Variants in WDR76 observed in about 807,000 individuals in gnomAD.
WDR76 encodes the protein WD repeat-containing protein 76.
Under a neutral mutation model 70.2 loss-of-function variants are expected in WDR76, and 52 were observed. That is an observed-to-expected ratio of 0.74 (90% confidence interval 0.59 to 0.93). WDR76 has a LOEUF of 0.93. WDR76 is among the 40% of genes least tolerant of loss of function. WDR76 has a pLI of 0.00. For synonymous variants in WDR76, 292 were observed against 271.1 expected (o/e 1.08, Z -0.76); for missense variants, 756 against 760.2 (o/e 0.99, Z 0.07).
intron 5 of WDR76, among the ~76,000 whole-genome samples, chr15:43,842,087 C>T (rs1369139330): frequency 1.3e-5 from 2 of 152,160 alleles, no homozygotes; most frequent in South Asian, 2.1e-4. Flanking sequence ...AGGCTGGTCT[C>T]GAACTCCTGA....
chr15:43,828,479 A>G, intron 2 of WDR76, 113 bp downstream of exon 2: 3 of 936,224 alleles, frequency 3.2e-6, no homozygotes, highest in Middle Eastern at 3.1e-4. Flanking sequence ...TTCATCATCT[A>G]ATGTAAGTAT....
intron 1 of WDR76, among the ~76,000 whole-genome samples, chr15:43,827,329 G>T (rs1291246758): frequency 6.6e-6 from 1 of 152,124 alleles, no homozygotes; most frequent in East Asian, 1.9e-4. Context: ...CCACAGTTAT[G>T]ATCGGCTTCA....
Position 43,836,159 on chromosome 15 carries a change from A to G in WDR76, c.553-2A>G, listed in dbSNP as rs769652622. The G allele has an allele frequency of 3.7e-6, 6 of 1,604,724 alleles. No individual in the cohort carries two copies. The highest frequency in any genetic ancestry group is 4.2e-6 in the Non-Finnish European group (5 of 1,176,546). On this transcript the variant is annotated splice_acceptor_variant, in intron 3 of 12. Coordinates refer to ENST00000263795, the MANE Select transcript of WDR76 (RefSeq NM_024908.4). LOFTEE classifies it high-confidence loss of function. The stretch of plus-strand genomic sequence containing the variant: ...TTTTTACATGATTTTTATACTTTAC[A>G]GTCTGCTGCAAGACTCCGTGAAATG...
chr15:43,840,187 C>T (rs953315061), intron 5 of WDR76, among the ~76,000 whole-genome samples: 8 of 151,970 alleles, frequency 5.3e-5, no homozygotes, highest in Non-Finnish European at 8.8e-5. Flanking sequence ...AGTAAGATTT[C>T]GAAGTCGTAA....
intron 7 of WDR76, among the ~76,000 whole-genome samples, chr15:43,843,020 T>C (rs1033133482): frequency 2.4e-4 from 35 of 147,792 alleles, no homozygotes; most frequent in Non-Finnish European, 4.2e-4. Flanking sequence ...TTTCTTTTTT[T>C]TTTTTTTTTT....
intron 8 of WDR76, among the ~76,000 whole-genome samples, chr15:43,847,811 G>A (rs912665278): frequency 6.6e-6 from 1 of 152,014 alleles, no homozygotes; most frequent in Non-Finnish European, 1.5e-5. Flanking sequence ...CACCTGCTTC[G>A]GCCTCCCAGA....
intron 12 of WDR76, among the ~76,000 whole-genome samples, chr15:43,863,623 G>C (rs1342017979): frequency 3.3e-5 from 5 of 151,270 alleles, no homozygotes; most frequent in African/African-American, 1.2e-4. Context: ...GTGGTGGCAT[G>C]ATCATGGCTC....
At chr15:43,857,281 C>T in intron 10 of WDR76, 118 bp downstream of exon 10, 12 of 1,123,734 alleles carry the variant, frequency 1.1e-5, no homozygotes, top group Non-Finnish European at 1.5e-5. Flanking sequence ...TTTGTAATAC[C>T]CAAAGGCCAA....
At position 43,868,357 on chromosome 15, in the gene WDR76, CT is replaced by C. The variant is rs2088099334; in HGVS notation, c.*1968del. On this transcript the variant is annotated 3_prime_UTR_variant, in exon 13 of 13. Transcript: ENST00000263795. ...AATCAAATTAGTACCATCATTTAAG[CT>C]TTGAATACTTGGCAGTAATTGCCTG... is the stretch of plus-strand genomic sequence containing the variant. The C allele has an allele frequency of 6.6e-6, 1 of 152,194 alleles. No homozygotes were observed. Among genetic ancestry groups the C allele is most frequent in the South Asian group, 2.1e-4 (1 of 4,828 alleles). The allele number at this position is 152,194 out of a possible 1,614,324, so 9.4% of individuals were successfully genotyped here.
In WDR76 at chr15:43,835,078, A is replaced by G; in HGVS notation, c.480A>G (p.Ser160=). The change falls in exon 3 of 13, where the codon TCA becomes TCG. Residue 160 remains serine (S), a synonymous_variant. Coordinates refer to ENST00000263795, the MANE Select transcript of WDR76 (RefSeq NM_024908.4). ...TTPSLDFSGL[S]PYERKRLKNI... is the part of the protein sequence containing the mutation. The stretch of plus-strand genomic sequence containing the variant: ...TTTTATAGGATTTTTCGGGATTGTC[A>G]CCCTACGAAAGGAAGAGACTGAAGA... 6.2e-7 allele frequency: 1 copy of G among 1,614,146 alleles called. No homozygotes were observed. Among genetic ancestry groups the G allele is most frequent in the South Asian group, 1.1e-5 (1 of 91,088 alleles).
chr15:43,844,691 C>T (rs1367442656), intron 8 of WDR76, among the ~76,000 whole-genome samples: 1 of 150,784 alleles, frequency 6.6e-6, no homozygotes, highest in Non-Finnish European at 1.5e-5. Context: ...GGGTGGATCA[C>T]GAAGTCAGGA....
At chr15:43,844,442 AC>A (rs1234363637) in intron 8 of WDR76, among the ~76,000 whole-genome samples, 1 of 151,650 alleles carries the variant, frequency 6.6e-6, no homozygotes, top group Non-Finnish European at 1.5e-5. Flanking sequence ...ACATGGTGAA[AC>A]CCCGTCTGTA....
intron 7 of WDR76, among the ~76,000 whole-genome samples, chr15:43,843,264 G>C (rs1033241532): frequency 1.3e-5 from 2 of 152,076 alleles, no homozygotes; most frequent in Non-Finnish European, 2.9e-5. Context: ...CAAGTGAGCT[G>C]TCTGCCTTGG....
chr15:43,844,085 A>G, intron 8 of WDR76, 31 bp downstream of exon 8: 1 of 1,600,572 alleles, frequency 6.2e-7, no homozygotes, highest in Non-Finnish European at 8.5e-7. Context: ...AATATATTAT[A>G]GTTTGACTAA....
chr15:43,835,986 G>A (rs764260826), intron 3 of WDR76, among the ~76,000 whole-genome samples, 175 bp from the exon 4 acceptor site: 3 of 149,810 alleles, frequency 2.0e-5, no homozygotes, highest in South Asian at 2.1e-4. Flanking sequence ...ACAGGGTCTC[G>A]CTGCGTTGCC....
intron 5 of WDR76, among the ~76,000 whole-genome samples, 176 bp downstream of exon 5, chr15:43,839,904 C>G (rs140573499): frequency 7.0e-4 from 106 of 152,264 alleles, no homozygotes; most frequent in East Asian, 3.9e-3. Flanking sequence ...GTCGCCCAGA[C>G]TGGAGTGCAG....
chr15:43,862,495 T>TTTTTTTG (rs971665265), intron 12 of WDR76, among the ~76,000 whole-genome samples: 1 of 147,438 alleles, frequency 6.8e-6, no homozygotes, highest in East Asian at 2.0e-4. Context: ...TTTCTGTTTT[T>TTTTTTTG]TTTTTTGTTT....
chr15:43,839,878 G>A (rs1050014513), intron 5 of WDR76, 150 bp downstream of exon 5: 6 of 1,065,066 alleles, frequency 5.6e-6, no homozygotes, highest in Non-Finnish European at 7.7e-6. Flanking sequence ...GTTTTTTTGA[G>A]ATGGAGTCTC....
intron 11 of WDR76, 128 bp downstream of exon 11, chr15:43,858,951 T>A: frequency 8.2e-7 from 1 of 1,216,562 alleles, no homozygotes; most frequent in Non-Finnish European, 1.1e-6. Context: ...AGTAGTCATA[T>A]GTAGGTTCCT....
Sources: gnomAD v4.1 joint callset for allele counts (sites outside exome capture counted in the v4.1 genomes callset) on GRCh38, gnomAD v4.1.1 for gene constraint, MANE v1.5 for transcripts, NCBI Gene and HGNC (gene_info 2026-07-23, HGNC 2026-07-21) for gene names.